The following CUX1 variants were observed in gnomAD, a reference collection of about 807,000 sequenced individuals.
CUX1 encodes cut like homeobox 1.
Under a neutral mutation model 158.8 loss-of-function variants are expected in CUX1, and 31 were observed. That is an observed-to-expected ratio of 0.20 (90% CI 0.15 to 0.26). The LOEUF is 0.26. Among genes scored for constraint, CUX1 ranks in the 10% least tolerant of loss-of-function variants. The pLI, the probability that CUX1 is intolerant of heterozygous loss-of-function variation, is 1.00. For synonymous variants in CUX1, 879 were observed against 862.1 expected (o/e 1.02, Z -0.34); for missense variants, 1,589 against 2,014.6 (o/e 0.79, Z 4.04).
At chr7:102,053,420 G>C (rs749409062) in intron 3 of CUX1, among the ~76,000 whole-genome samples, 4 of 152,122 alleles carry the variant, frequency 2.6e-5, no homozygotes, top group Non-Finnish European at 5.9e-5. Context: ...ATCACCTGAA[G>C]CATTTATCCT....
chr7:102,247,115 G>C (rs1386892337), intron 23 of CUX1, among the ~76,000 whole-genome samples: 3 of 152,014 alleles, frequency 2.0e-5, no homozygotes. Context: ...GATCACCTGA[G>C]CCTGGGAGGT....
At chr7:102,167,763 A>G (rs1250202064) in intron 9 of CUX1, among the ~76,000 whole-genome samples, 1 of 152,156 alleles carries the variant, frequency 6.6e-6, no homozygotes, top group Non-Finnish European at 1.5e-5. Flanking sequence ...TTTTTGTTGA[A>G]GAGGACATTT....
chr7:102,271,234 CT>C (rs1791191694), intron 14 of CUX1, among the ~76,000 whole-genome samples: 1 of 152,200 alleles, frequency 6.6e-6, no homozygotes, highest in African/African-American at 2.4e-5. Context: ...TTCCCTGAGC[CT>C]TGTTGGAGCT....
intron 2 of CUX1, among the ~76,000 whole-genome samples, chr7:101,977,376 A>C (rs1812849348): frequency 6.6e-6 from 1 of 152,094 alleles, no homozygotes; most frequent in African/African-American, 2.4e-5. Context: ...AGTCTTGGAA[A>C]ATTGGTTTGG....
At chr7:102,264,514 G>A (rs1790660075) in intron 14 of CUX1, among the ~76,000 whole-genome samples, 1 of 152,152 alleles carries the variant, frequency 6.6e-6, no homozygotes, top group African/African-American at 2.4e-5. Context: ...GCGGAGCATG[G>A]GGGCCTTGTC....
intron 8 of CUX1, among the ~76,000 whole-genome samples, chr7:102,148,668 ATAAC>A (rs1325900823): frequency 6.7e-6 from 1 of 148,630 alleles, no homozygotes; most frequent in Non-Finnish European, 1.5e-5. Context: ...TATTTTATAT[ATAAC>A]TACACATTAA....
At chr7:101,972,891 G>A (rs912095676) in intron 2 of CUX1, among the ~76,000 whole-genome samples, 11 of 152,188 alleles carry the variant, frequency 7.2e-5, no homozygotes, top group African/African-American at 2.2e-4. Flanking sequence ...TGAGGGAGTC[G>A]TGACTTTCTG....
intron 11 of CUX1, among the ~76,000 whole-genome samples, chr7:102,188,213 A>G (rs1793835624): frequency 6.6e-6 from 1 of 151,686 alleles, no homozygotes; most frequent in African/African-American, 2.4e-5. Context: ...TTAAAAAAAA[A>G]AAGAAGAAGA....
intron 5 of CUX1, 75 bp downstream of exon 5, chr7:102,097,576 C>A: frequency 6.8e-7 from 1 of 1,461,706 alleles, no homozygotes; most frequent in East Asian, 2.4e-5. Context: ...TTGGCTTTTC[C>A]CATACTTTTG....
At position 102,250,777 on chromosome 7, in the gene CUX1, A is replaced by G; in HGVS notation, c.*1735A>G. The G allele has an allele frequency of 1.0e-6, 1 of 985,240 alleles. No homozygotes were observed. The highest frequency in any genetic ancestry group is 1.2e-6 in the Non-Finnish European group (1 of 829,906). The allele number at this position is 985,240 out of a possible 1,614,324, so 61.0% of individuals were successfully genotyped here. The stretch of plus-strand genomic sequence containing the variant: ...ATGCGTGAGAATAGAGGCGGGTGAG[A>G]GTGTGCGTGCGTGTGCGTGTGTGCA... On this transcript the variant is annotated 3_prime_UTR_variant, in exon 24 of 24. Transcript: ENST00000292535.
chr7:101,905,435 G>A (rs543695267), intron 1 of CUX1, among the ~76,000 whole-genome samples: 6 of 152,328 alleles, frequency 3.9e-5, no homozygotes, highest in East Asian at 3.9e-4. Flanking sequence ...AGGAGGTGGC[G>A]TTGCGCCCAT....
chr7:101,966,131 C>T (rs890539733), intron 2 of CUX1, among the ~76,000 whole-genome samples: 2 of 151,968 alleles, frequency 1.3e-5, no homozygotes, highest in Admixed American at 6.6e-5. Context: ...GTGGCACCAT[C>T]AGGGCTCACT....
intron 21 of CUX1, among the ~76,000 whole-genome samples, chr7:102,231,555 T>C (rs1417423868): frequency 1.3e-5 from 2 of 152,042 alleles, no homozygotes; most frequent in African/African-American, 4.8e-5. Flanking sequence ...ATACAGATAA[T>C]TTTCCAGGAA....
chr7:101,909,335 G>C (rs1438709002), intron 1 of CUX1, among the ~76,000 whole-genome samples: 1 of 152,178 alleles, frequency 6.6e-6, no homozygotes, highest in Admixed American at 6.5e-5. Flanking sequence ...AAAATTGCTT[G>C]AGGCCAGGAC....
chr7:102,058,321 T>A (rs1360196116), intron 3 of CUX1, among the ~76,000 whole-genome samples: 3 of 152,230 alleles, frequency 2.0e-5, no homozygotes, highest in Non-Finnish European at 4.4e-5. Context: ...TCACTCAGGC[T>A]GGAGTACAGT....
At chr7:102,218,824 G>A (rs1293671780) in intron 20 of CUX1, among the ~76,000 whole-genome samples, 7 of 150,974 alleles carry the variant, frequency 4.6e-5, no homozygotes, top group East Asian at 3.9e-4. Flanking sequence ...AGTCTGAGGC[G>A]GGAAGATCAC....
chr7:102,283,356 G>A lies in CUX1; in HGVS notation c.*266G>A, dbSNP rs1334046780. On this transcript the variant is annotated 3_prime_UTR_variant, in exon 23 of 23. Transcript: ENST00000292538. ...CTCTCAGCCCCCACCTCAGGTTAGG[G>A]CTCTGCCCGCAGCCTGACCTCTAGC... The A allele has an allele frequency of 1.6e-5, 8 of 510,138 alleles. No homozygotes were observed. In the Admixed American group the frequency reaches 2.2e-4, roughly 14 times the overall value. The allele number at this position is 510,138 out of a possible 1,614,324, so 31.6% of individuals were successfully genotyped here.
At chr7:101,949,690 C>T (rs1328472206) in intron 2 of CUX1, among the ~76,000 whole-genome samples, 1 of 151,924 alleles carries the variant, frequency 6.6e-6, no homozygotes, top group African/African-American at 2.4e-5. Flanking sequence ...ATCACCATGC[C>T]CAGCTAATTT....
intron 9 of CUX1, among the ~76,000 whole-genome samples, chr7:102,160,186 A>C (rs1263221693): frequency 6.7e-6 from 1 of 149,654 alleles, no homozygotes; most frequent in Non-Finnish European, 1.5e-5. Context: ...CTAAAAAAAA[A>C]AAAAAGCAGT....
Sources: gnomAD v4.1 joint callset for allele counts (sites outside exome capture counted in the v4.1 genomes callset) on GRCh38, gnomAD v4.1.1 for gene constraint, MANE v1.5 for transcripts, NCBI Gene and HGNC (gene_info 2026-07-23, HGNC 2026-07-21) for gene names.